CYTIP: variants seen among roughly 807,000 people sequenced by gnomAD.
The protein encoded by CYTIP is cytohesin 1 interacting protein.
In CYTIP, 26 loss-of-function variants were observed where a neutral mutation model predicts 43.8. The observed-to-expected ratio is 0.59, with a 90% CI of 0.44 to 0.82. CYTIP has a LOEUF of 0.82. Among genes scored for constraint, CYTIP ranks in the 40% least tolerant of loss-of-function variants. The pLI, the probability that CYTIP is intolerant of heterozygous loss-of-function variation, is 0.00. For synonymous variants in CYTIP, 162 were observed against 162.9 expected, an observed-to-expected ratio of 0.99 and a Z score of 0.04; for missense variants, 426 against 443.1, an observed-to-expected ratio of 0.96 and a Z score of 0.35.
At chr2:157,424,899 C>A (rs1178274052) in intron 6 of CYTIP, among the ~76,000 whole-genome samples, 1 of 151,988 alleles carries the variant, frequency 6.6e-6, no homozygotes, top group Non-Finnish European at 1.5e-5. Context: ...ATATGTGGAA[C>A]TTGCTTAAAA....
At chr2:157,417,698 A>T (rs1360849108) in intron 7 of CYTIP, among the ~76,000 whole-genome samples, 1 of 149,854 alleles carries the variant, frequency 6.7e-6, no homozygotes, top group African/African-American at 2.4e-5. Context: ...CTTCAATTTA[A>T]AAAAAAAAAA....
rs758077442 is a variant in CYTIP, at chr2:157,434,748, CT to C, written c.175-2del. ...AAGAACTTGATCTGGTCAAAGCAAG[CT>C]GAAAAACACAAAAGACATATAGTTA... On this transcript the variant is annotated splice_acceptor_variant, in intron 1 of 7. Coordinates refer to ENST00000264192, the MANE Select transcript of CYTIP (RefSeq NM_004288.5). LOFTEE classifies it high-confidence loss of function. The C allele has an allele frequency of 6.2e-7, 1 of 1,610,028 alleles. No homozygotes were observed. The highest frequency in any genetic ancestry group is 1.7e-5 in the Admixed American group (1 of 59,670).
At position 157,434,839 on chromosome 2, in the gene CYTIP, TCTCTCTCTCTCACACA is replaced by T. The variant is rs1345025785; in HGVS notation, c.175-108_175-93del. 3.0e-4 allele frequency: 141 copies of T among 470,910 alleles called. No homozygotes were observed. In the African/African-American group the frequency reaches 3.6e-3, roughly 12 times the overall value. 29.2% of individuals were successfully genotyped at this position (470,910 alleles called of 1,614,324 possible). On this transcript the variant is annotated intron_variant, in intron 1 of 7. Transcript: ENST00000264192. The stretch of plus-strand genomic sequence containing the variant: ...CTCTCTCTCTCTCTCTCTCTCTCTC[TCTCTCTCTCTCACACA>T]CACACACACACACACACACACACAC...
chr2:157,441,812 C>T (rs564817717), intron 1 of CYTIP, among the ~76,000 whole-genome samples: 3 of 152,156 alleles, frequency 2.0e-5, no homozygotes, highest in Admixed American at 6.5e-5. Context: ...TCTGTTCCCC[C>T]ATTTCCTCTT....
At chr2:157,425,494 G>A (rs983902623) in intron 6 of CYTIP, among the ~76,000 whole-genome samples, 2 of 152,094 alleles carry the variant, frequency 1.3e-5, no homozygotes, top group African/African-American at 4.8e-5. Flanking sequence ...GGTCTTCAAT[G>A]GGCATTTTAA....
chr2:157,428,657 T>G (rs931556016), intron 5 of CYTIP, among the ~76,000 whole-genome samples: 2 of 152,218 alleles, frequency 1.3e-5, no homozygotes, highest in Non-Finnish European at 2.9e-5. Flanking sequence ...TCTTCACCCA[T>G]GTGGAACATG....
At chr2:157,419,656 AC>A (rs1216211275) in intron 6 of CYTIP, among the ~76,000 whole-genome samples, 1 of 152,242 alleles carries the variant, frequency 6.6e-6, no homozygotes, top group Non-Finnish European at 1.5e-5. Flanking sequence ...GCAAGTGGGC[AC>A]AGCTCAGGTT....
At chr2:157,425,201 A>G (rs1685583940) in intron 6 of CYTIP, among the ~76,000 whole-genome samples, 1 of 152,222 alleles carries the variant, frequency 6.6e-6, no homozygotes, top group South Asian at 2.1e-4. Context: ...CTAAACACCT[A>G]CTTAGAATAA....
chr2:157,433,754 T>C (rs1404282701), intron 3 of CYTIP, among the ~76,000 whole-genome samples: 1 of 152,126 alleles, frequency 6.6e-6, no homozygotes, highest in Non-Finnish European at 1.5e-5. Context: ...TATAAAGACT[T>C]AAAAATTTCC....
At chr2:157,416,783 C>T in intron 7 of CYTIP, among the ~76,000 whole-genome samples, 1 of 152,182 alleles carries the variant, frequency 6.6e-6, no homozygotes, top group Non-Finnish European at 1.5e-5. Flanking sequence ...ATACTGTACC[C>T]AGAAATCATC....
intron 6 of CYTIP, among the ~76,000 whole-genome samples, chr2:157,422,115 C>T (rs1344916948): frequency 1.3e-5 from 2 of 152,142 alleles, no homozygotes; most frequent in African/African-American, 4.8e-5. Flanking sequence ...TACCTAAACA[C>T]AGCCTCGTGA....
intron 6 of CYTIP, among the ~76,000 whole-genome samples, chr2:157,419,272 C>T (rs543707984): frequency 6.6e-5 from 10 of 152,152 alleles, no homozygotes; most frequent in Non-Finnish European, 1.3e-4. Flanking sequence ...GGATTACAGG[C>T]GTGAGGCACC....
chr2:157,442,061 C>T (rs1268373788), intron 1 of CYTIP, among the ~76,000 whole-genome samples: 1 of 152,162 alleles, frequency 6.6e-6, no homozygotes, highest in East Asian at 1.9e-4. Context: ...TGTTGTTACA[C>T]AAAAAAGTCC....
At chr2:157,417,297 T>C (rs2105130974) in intron 7 of CYTIP, among the ~76,000 whole-genome samples, 1 of 152,210 alleles carries the variant, frequency 6.6e-6, no homozygotes, top group East Asian at 1.9e-4. Flanking sequence ...TGGAGAGCAA[T>C]TGCCTTATAG....
intron 1 of CYTIP, among the ~76,000 whole-genome samples, chr2:157,437,698 CAAAAAAAAAAAG>C (rs1398955592): frequency 5.9e-5 from 7 of 118,436 alleles, no homozygotes; most frequent in East Asian, 4.7e-4. Context: ...GACTCCATCT[CAAAAAAAAAAAG>C]AAAAAAAAAA....
In CYTIP at chr2:157,434,750, GA is replaced by G; in HGVS notation, c.175-4del. On this transcript the variant is annotated splice_region_variant and splice_polypyrimidine_tract_variant and intron_variant, in intron 1 of 7. Transcript: ENST00000264192. ...GAACTTGATCTGGTCAAAGCAAGCT[GA>G]AAAACACAAAAGACATATAGTTATC... 1 of 1,606,982 alleles carries G rather than the reference GA, an allele frequency of 6.2e-7. No homozygotes were observed. The highest frequency in any genetic ancestry group is 8.5e-7 in the Non-Finnish European group (1 of 1,176,110).
At chr2:157,434,504 CTG>C (rs1685774694) in intron 2 of CYTIP, 80 bp from the exon 3 acceptor site, 16 of 1,164,242 alleles carry the variant, frequency 1.4e-5, no homozygotes, top group Admixed American at 8.0e-5. Context: ...TTAAAAATAA[CTG>C]TCACAATTAA....
At chr2:157,426,732 T>C (rs1434424551) in intron 6 of CYTIP, among the ~76,000 whole-genome samples, 3 of 152,150 alleles carry the variant, frequency 2.0e-5, no homozygotes, top group Non-Finnish European at 4.4e-5. Flanking sequence ...CTGGACTTCA[T>C]GGCTTAGGAG....
intron 1 of CYTIP, among the ~76,000 whole-genome samples, chr2:157,442,055 G>A (rs1472842901): frequency 2.6e-5 from 4 of 152,112 alleles, no homozygotes; most frequent in Admixed American, 6.6e-5. Context: ...ATATTGTGTT[G>A]TTACACAAAA....
Sources: allele counts gnomAD v4.1 joint callset (sites outside exome capture counted in the v4.1 genomes callset), GRCh38; gene constraint gnomAD v4.1.1; transcripts MANE v1.5; gene names NCBI Gene and HGNC (gene_info 2026-07-23, HGNC 2026-07-21).